Variants in TBC1D1 observed in about 807,000 individuals in gnomAD.
TBC1D1 encodes the protein TBC1 domain family member 1.
In TBC1D1, 89 loss-of-function variants were observed where a neutral mutation model predicts 125.6. That is an observed-to-expected ratio of 0.71 (90% CI 0.60 to 0.85). The LOEUF (loss-of-function observed/expected upper bound fraction) is 0.85. Among genes scored for constraint, TBC1D1 ranks in the 40% least tolerant of loss-of-function variants. The pLI is 0.00. For missense variants in TBC1D1, 1,377 were observed against 1,469.2 expected (o/e 0.94, Z 1.03); for synonymous variants, 565 against 564.1 (o/e 1.00, Z -0.02).
chr4:38,074,338 C>T (rs1401696954), intron 12 of TBC1D1, among the ~76,000 whole-genome samples: 2 of 152,134 alleles, frequency 1.3e-5, no homozygotes, highest in Non-Finnish European at 2.9e-5. Context: ...TACAATCATC[C>T]CAACACAAGG....
At chr4:38,005,965 G>C (rs1740077736) in intron 2 of TBC1D1, among the ~76,000 whole-genome samples, 1 of 151,990 alleles carries the variant, frequency 6.6e-6, no homozygotes, top group African/African-American at 2.4e-5. Flanking sequence ...TAGATACTTT[G>C]CAAATTACCC....
chr4:38,044,510 C>A lies in TBC1D1; in HGVS notation c.1542+20C>A. 1 of 1,597,690 alleles carries A rather than the reference C, an allele frequency of 6.3e-7. No individual in the cohort carries two copies. The highest frequency in any genetic ancestry group is 8.5e-7 in the Non-Finnish European group (1 of 1,174,830). On this transcript the variant is annotated intron_variant, in intron 9 of 19. Coordinates refer to ENST00000261439, the MANE Select transcript of TBC1D1 (RefSeq NM_015173.4). Reference sequence around the variant, plus strand: ...TCCCGGGTAAGTAGCATAATTTCTCCTGATTTAAGTTAAATCACTTTTTAG... The same window carrying A: ...TCCCGGGTAAGTAGCATAATTTCTCATGATTTAAGTTAAATCACTTTTTAG...
chr4:38,122,626 T>C (rs938579884), intron 17 of TBC1D1, among the ~76,000 whole-genome samples: 6 of 152,184 alleles, frequency 3.9e-5, no homozygotes, highest in African/African-American at 1.4e-4. Context: ...CCAGAACTCC[T>C]TGGTGTCTCT....
chr4:37,902,630 A>C (rs2152227971), intron 2 of TBC1D1, 118 bp downstream of exon 2: 1 of 826,774 alleles, frequency 1.2e-6, no homozygotes, highest in Non-Finnish European at 1.8e-6. Flanking sequence ...CTGCAGTTAT[A>C]AATTGATTAC....
At chr4:38,033,771 T>G (rs1278635075) in intron 7 of TBC1D1, among the ~76,000 whole-genome samples, 1 of 152,204 alleles carries the variant, frequency 6.6e-6, no homozygotes, top group Non-Finnish European at 1.5e-5. Flanking sequence ...TTTTCCAGCA[T>G]GTCATGTAGT....
At chr4:38,070,453 C>T (rs563831980) in intron 12 of TBC1D1, among the ~76,000 whole-genome samples, 1 of 152,360 alleles carries the variant, frequency 6.6e-6, no homozygotes, top group South Asian at 2.1e-4. Flanking sequence ...GGAGGCCTCA[C>T]ACGCTCCTGC....
In TBC1D1 at chr4:38,014,631, C is replaced by T. The variant is rs756195260; in HGVS notation, c.540C>T (p.Arg180=). 6.8e-6 allele frequency: 11 copies of T among 1,613,284 alleles called. No individual in the cohort carries two copies. Among genetic ancestry groups the T allele is most frequent in the South Asian group, 4.4e-5 (4 of 91,086 alleles). ...AGTTCGAGGTGCTCTTCTGCGGCCGCGTGACGGTGGCGCACAAGAAGGCTC... is the reference window on the plus strand; with the variant it reads ...AGTTCGAGGTGCTCTTCTGCGGCCGTGTGACGGTGGCGCACAAGAAGGCTC... The change falls in exon 3 of 20, where the codon CGC becomes CGT. Residue 180 remains arginine, a synonymous_variant. Transcript: ENST00000261439. The surrounding 1 kb of genome is among the most constrained non-coding windows in gnomAD (Gnocchi z 5.1).
At chr4:38,121,150 C>G (rs891014448) in intron 17 of TBC1D1, among the ~76,000 whole-genome samples, 1 of 152,218 alleles carries the variant, frequency 6.6e-6, no homozygotes, top group Admixed American at 6.5e-5. Flanking sequence ...CTGCACAGCA[C>G]TGTCATCAGC....
intron 1 of TBC1D1, among the ~76,000 whole-genome samples, chr4:37,900,744 A>G (rs1342761065): frequency 2.6e-5 from 4 of 152,222 alleles, no homozygotes. Flanking sequence ...CAATAGGACA[A>G]GAAGGCGTTA....
intron 16 of TBC1D1, 132 bp from the exon 19 acceptor site, chr4:38,117,901 T>C (rs1397069001): frequency 6.0e-6 from 5 of 826,838 alleles, no homozygotes; most frequent in Non-Finnish European, 9.6e-6. Context: ...CTGAGCTCAG[T>C]GGATCGCAAG....
intron 15 of TBC1D1, chr4:38,111,876 A>G (rs1240692109): frequency 1.0e-6 from 1 of 970,068 alleles, no homozygotes; most frequent in Non-Finnish European, 1.2e-6. Context: ...CTTAACCGCT[A>G]ATCAGGAGCT....
At chr4:38,062,864 G>T (rs1753022591) in intron 12 of TBC1D1, among the ~76,000 whole-genome samples, 1 of 152,186 alleles carries the variant, frequency 6.6e-6, no homozygotes, top group African/African-American at 2.4e-5. Context: ...AGCCAGTGCT[G>T]CTTGGTAGGA....
At chr4:37,978,536 G>A (rs1733717501) in intron 2 of TBC1D1, among the ~76,000 whole-genome samples, 1 of 152,170 alleles carries the variant, frequency 6.6e-6, no homozygotes, top group Admixed American at 6.5e-5. Flanking sequence ...ACATTTTTAT[G>A]AATACCTGTT....
At chr4:37,925,164 G>A (rs561355842) in intron 2 of TBC1D1, among the ~76,000 whole-genome samples, 3 of 152,330 alleles carry the variant, frequency 2.0e-5, no homozygotes, top group Admixed American at 2.0e-4. Flanking sequence ...ACAGTCACAC[G>A]TCATACCTAG....
At chr4:38,002,794 G>A (rs989049700) in intron 2 of TBC1D1, among the ~76,000 whole-genome samples, 16 of 152,288 alleles carry the variant, frequency 1.1e-4, no homozygotes, top group African/African-American at 3.9e-4. Context: ...ATTTTAGATT[G>A]AGCTTCTCTA....
intron 2 of TBC1D1, among the ~76,000 whole-genome samples, chr4:37,935,488 T>G (rs1041581149): frequency 8.5e-5 from 13 of 152,190 alleles, no homozygotes; most frequent in Admixed American, 7.2e-4. Flanking sequence ...CATCAGAAAG[T>G]CTTCTTGATT....
At chr4:38,022,368 G>C (rs1744226238) in intron 6 of TBC1D1, among the ~76,000 whole-genome samples, 1 of 152,234 alleles carries the variant, frequency 6.6e-6, no homozygotes. Context: ...GGGAGGAAAA[G>C]GGACTATTTA....
At chr4:38,061,669 T>G (rs1410350414) in intron 12 of TBC1D1, among the ~76,000 whole-genome samples, 1 of 152,220 alleles carries the variant, frequency 6.6e-6, no homozygotes, top group South Asian at 2.1e-4. Flanking sequence ...TTTTGTCTTG[T>G]GGATGTAGCT....
intron 2 of TBC1D1, among the ~76,000 whole-genome samples, chr4:37,938,579 A>C (rs930978227): frequency 1.3e-5 from 2 of 152,058 alleles, no homozygotes; most frequent in Non-Finnish European, 2.9e-5. Context: ...ATGTGCACAA[A>C]GTGCAGGTTT....
Sources: gnomAD v4.1 joint callset for allele counts (sites outside exome capture counted in the v4.1 genomes callset) on GRCh38, gnomAD v4.1.1 for gene constraint, Gnocchi (gnomAD v3.1) non-coding constraint, MANE v1.5 for transcripts, NCBI Gene and HGNC (gene_info 2026-07-23, HGNC 2026-07-21) for gene names.